The following PADI4 variants were observed in gnomAD, a reference collection of about 807,000 sequenced individuals.
PADI4 encodes the protein peptidyl arginine deiminase 4.
Under a neutral mutation model 75.0 loss-of-function variants are expected in PADI4, and 62 were observed. The ratio of observed to expected loss-of-function variants is 0.83; its 90% CI spans 0.67 to 1.02. PADI4 has a LOEUF of 1.02. PADI4 is among the 50% of genes least tolerant of loss of function. The pLI, the probability that PADI4 is intolerant of heterozygous loss-of-function variation, is 0.00. For missense variants in PADI4, 845 were observed against 850.5 expected (o/e 0.99, Z 0.08); for synonymous variants, 361 against 348.1 (o/e 1.04, Z -0.41).
In PADI4 at chr1:17,331,130, G is replaced by A. The variant is rs910120633; in HGVS notation, c.254G>A (p.Gly85Asp). 1 of 1,610,726 alleles carries A rather than the reference G, an allele frequency of 6.2e-7. No individual in the cohort carries two copies. Among genetic ancestry groups the A allele is most frequent in the East Asian group, 2.2e-5 (1 of 44,566 alleles). ...EVTLTMKVAS[G>D]STGDQKVQIS... is the part of the protein sequence containing the mutation. ...ACCCTGACGATGAAAGTGGCCAGTG[G>A]TAGCACAGGCGACCAGAAGGTGAGT... Residue 85 changes from glycine (G) to aspartate (D), a missense_variant, in exon 2 of 16, where the codon GGT (glycine) becomes GAT (aspartate). Gly to Asp is a moderately conservative substitution (Grantham distance 94, BLOSUM62 -1). Coordinates refer to ENST00000375448, the MANE Select transcript of PADI4 (RefSeq NM_012387.3).
At chr1:17,344,192 T>C (rs149857205) in intron 8 of PADI4, among the ~76,000 whole-genome samples, 1,553 of 152,322 alleles carry the variant, frequency 0.01, 17 homozygotes, top group South Asian at 0.022. Context: ...GGTGGCATTT[T>C]GTACCTGCCC....
chr1:17,353,341 C>CCTGT (rs1557578891), intron 10 of PADI4, among the ~76,000 whole-genome samples: 1 of 152,116 alleles, frequency 6.6e-6, no homozygotes, highest in African/African-American at 2.4e-5. Context: ...ATAGCATGCA[C>CCTGT]CTGTGGTCCC....
At chr1:17,347,101 C>A (rs1009318148) in intron 9 of PADI4, among the ~76,000 whole-genome samples, 3 of 152,128 alleles carry the variant, frequency 2.0e-5, no homozygotes, top group Non-Finnish European at 1.5e-5. Flanking sequence ...CCACGCCTGG[C>A]TAATTTTGTA....
In PADI4 at chr1:17,346,231, C is replaced by A; in HGVS notation, c.1047+92C>A. 1.3e-6 allele frequency: 1 copy of A among 741,082 alleles called. No homozygotes were observed. The highest frequency in any genetic ancestry group is 2.3e-6 in the Non-Finnish European group (1 of 427,396). The allele number at this position is 741,082 out of a possible 1,614,324, so 45.9% of individuals were successfully genotyped here. ...GCTCCTGGGGTTCAGCCTGGTGCCT[C>A]ACCGGCCACTCTTCCTTAGATGGAC... On this transcript the variant is annotated intron_variant, in intron 9 of 15. Coordinates refer to ENST00000375448, the MANE Select transcript of PADI4 (RefSeq NM_012387.3). The surrounding 1 kb of genome is among the most constrained non-coding windows in gnomAD (Gnocchi z 4.3).
chr1:17,352,166 GAGA>G (rs2074668064), intron 10 of PADI4, among the ~76,000 whole-genome samples: 1 of 149,702 alleles, frequency 6.7e-6, no homozygotes, highest in Non-Finnish European at 1.5e-5. Flanking sequence ...GGGAGGTGAT[GAGA>G]GGTGGTAGGA....
chr1:17,344,291 A>G (rs1290473327), intron 8 of PADI4, among the ~76,000 whole-genome samples: 3 of 152,206 alleles, frequency 2.0e-5, no homozygotes, highest in African/African-American at 7.2e-5. Context: ...TCAAGAGGTG[A>G]CTTGGGTGCT....
rs182149516 is a variant in PADI4 at position 17,348,284 on chromosome 1, C to G, written c.1155+236C>G. 13 of 394,402 alleles carry G rather than the reference C, an allele frequency of 3.3e-5. No individual in the cohort carries two copies. In the South Asian group the frequency reaches 5.7e-4, roughly 17 times the overall value. The allele number at this position is 394,402 out of a possible 1,614,324, so 24.4% of individuals were successfully genotyped here. On this transcript the variant is annotated intron_variant, in intron 10 of 15. Transcript: ENST00000375448. ...GTCACCCGTGAGCTCAGCTTGATCT[C>G]CAGGTAACCCTGCCGAGGAGGTGGC...
chr1:17,363,463 C>T (rs567308576), intron 15 of PADI4, 59 bp from the exon 16 acceptor site: 123 of 1,227,800 alleles, frequency 1.0e-4, no homozygotes, highest in Non-Finnish European at 1.4e-4. Flanking sequence ...TGGGGCCGCT[C>T]AGATTGCGCT....
intron 1 of PADI4, among the ~76,000 whole-genome samples, chr1:17,329,243 G>A (rs1014966549): frequency 6.0e-5 from 9 of 150,444 alleles, no homozygotes; most frequent in South Asian, 2.1e-4. Context: ...GGAGAATGGC[G>A]TGAACCCAGG....
At chr1:17,363,178 G>T (rs1472183049) in intron 15 of PADI4, among the ~76,000 whole-genome samples, 2 of 152,148 alleles carry the variant, frequency 1.3e-5, no homozygotes, top group Non-Finnish European at 2.9e-5. Flanking sequence ...GAGTGCAGTG[G>T]CACAATCACA....
At chr1:17,334,876 T>C (rs2074281839) in intron 3 of PADI4, 1 of 269,618 alleles carries the variant, frequency 3.7e-6, no homozygotes, top group Non-Finnish European at 7.3e-6. Flanking sequence ...ACATGGTGGC[T>C]CACACCTGCA....
intron 9 of PADI4, among the ~76,000 whole-genome samples, chr1:17,347,671 G>T (rs1459984254): frequency 6.6e-6 from 1 of 151,796 alleles, no homozygotes; most frequent in East Asian, 1.9e-4. Context: ...TCTCAGTTTT[G>T]CTCACCAGGG....
At chr1:17,352,360 T>A (rs1353200135) in intron 10 of PADI4, among the ~76,000 whole-genome samples, 2 of 151,966 alleles carry the variant, frequency 1.3e-5, no homozygotes, top group Non-Finnish European at 2.9e-5. Flanking sequence ...TTGGCTACTG[T>A]TAAGGCTGCT....
chr1:17,357,230 C>T (rs189963290), intron 13 of PADI4, among the ~76,000 whole-genome samples: 6 of 152,294 alleles, frequency 3.9e-5, no homozygotes, highest in Admixed American at 2.6e-4. Context: ...TGCAATGGCG[C>T]GATCTCGACT....
intron 1 of PADI4, among the ~76,000 whole-genome samples, chr1:17,328,654 A>AG (rs1401800835): frequency 9.3e-6 from 1 of 107,362 alleles, no homozygotes; most frequent in Non-Finnish European, 2.1e-5. Context: ...CTCTAAAAAA[A>AG]AAAAATAAGT....
At chr1:17,359,676 G>A (rs1184963198) in intron 15 of PADI4, among the ~76,000 whole-genome samples, 3 of 152,192 alleles carry the variant, frequency 2.0e-5, no homozygotes, top group Admixed American at 2.0e-4. Context: ...GGTGGGCAGA[G>A]CCCTGGGCAC....
chr1:17,348,093 T>A (rs1370659498), intron 10 of PADI4, 45 bp downstream of exon 10: 2 of 1,240,132 alleles, frequency 1.6e-6, no homozygotes, highest in Non-Finnish European at 2.4e-6. Context: ...CGAAACCCTC[T>A]TGTCTTGAGA....
chr1:17,345,276 C>T (rs1311631645), intron 8 of PADI4, among the ~76,000 whole-genome samples: 1 of 152,200 alleles, frequency 6.6e-6, no homozygotes, highest in Non-Finnish European at 1.5e-5. Flanking sequence ...CCCATTGTAT[C>T]TAGGAAGTAA....
rs1383147405 is a variant in PADI4, at chr1:17,336,162, TCTC to T, written c.347_349del (p.Ser116del). ...CTCTTACTTGATGGGATTTCAGAAA[TCTC>T]CTTGTGCGCAGACATCACCCGCACC... On this transcript the variant is annotated inframe_deletion, in exon 4 of 16. Coordinates refer to ENST00000375448, the MANE Select transcript of PADI4 (RefSeq NM_012387.3). The T allele has an allele frequency of 6.2e-7, 1 of 1,611,940 alleles. No individual in the cohort carries two copies. The highest frequency in any genetic ancestry group is 8.5e-7 in the Non-Finnish European group (1 of 1,178,190).
Sources: gnomAD v4.1 joint callset for allele counts (sites outside exome capture counted in the v4.1 genomes callset) on GRCh38, gnomAD v4.1.1 for gene constraint, Gnocchi (gnomAD v3.1) non-coding constraint, MANE v1.5 for transcripts, NCBI Gene and HGNC (gene_info 2026-07-23, HGNC 2026-07-21) for gene names.